Variants in SLC12A8 observed in about 807,000 individuals in gnomAD.
SLC12A8 encodes solute carrier family 12 member 8.
In SLC12A8, 69 loss-of-function variants were observed where a neutral mutation model predicts 75.6. The observed-to-expected ratio is 0.91, with a 90% CI of 0.75 to 1.11. The LOEUF (loss-of-function observed/expected upper bound fraction) is 1.11, where lower values mean the gene tolerates loss of function less well. Ranked by LOEUF, SLC12A8 falls within the 50% of genes most tolerant of loss-of-function variation. The pLI is 0.00. For synonymous variants in SLC12A8, 365 were observed against 372.8 expected (o/e 0.98, Z 0.24); for missense variants, 877 against 896.7 (o/e 0.98, Z 0.28).
At chr3:125,105,406 G>A (rs546852287) in intron 10 of SLC12A8, among the ~76,000 whole-genome samples, 4 of 152,246 alleles carry the variant, frequency 2.6e-5, no homozygotes, top group African/African-American at 9.6e-5. Flanking sequence ...GGAGCCATAG[G>A]ACAGAGGGGA....
rs868545196 is a variant in SLC12A8 at position 125,192,575 on chromosome 3, C to T, written c.52-2054G>A. 27 of 154,514 alleles carry T rather than the reference C, an allele frequency of 1.7e-4. No homozygotes were observed. The Middle Eastern group carries it at 0.011, about 65-fold the overall frequency. 9.6% of individuals were successfully genotyped at this position (154,514 alleles called of 1,614,324 possible). ...CATTCTGAAGGCTGGTTTGCATATG[C>T]GTTTGTTTACCTGCTGGTGTGTGAA... is the stretch of plus-strand genomic sequence containing the variant. On this transcript the variant is annotated intron_variant, in intron 2 of 13. Coordinates refer to ENST00000469902, the MANE Select transcript of SLC12A8 (RefSeq NM_024628.6).
chr3:125,199,247 T>G (rs751203022), intron 2 of SLC12A8, among the ~76,000 whole-genome samples: 27 of 152,294 alleles, frequency 1.8e-4, no homozygotes, highest in African/African-American at 3.1e-4. Flanking sequence ...TACATATATA[T>G]AGAGAAAATG....
chr3:125,161,578 G>A (rs549008877), intron 5 of SLC12A8, among the ~76,000 whole-genome samples: 1 of 152,068 alleles, frequency 6.6e-6, no homozygotes, highest in South Asian at 2.1e-4. Flanking sequence ...GAAAGAACAG[G>A]TCAAGAGACT....
Position 125,120,661 on chromosome 3 carries a change from C to T in SLC12A8, c.762G>A (p.Gly254=). The change falls in exon 7 of 14, where the codon GGG becomes GGA. Residue 254 remains glycine, a synonymous_variant. Transcript: ENST00000469902. ...TGGCGGCAGGCTCCCTGAGGTCGCC[C>T]CCCATGTTGAAGCCGGCCATGACTC... ...ATGVMAGFNM[G]GDLREPAASI... is the part of the protein sequence containing the mutation. 1 of 1,613,704 alleles carries T rather than the reference C, an allele frequency of 6.2e-7. No homozygotes were observed. Among genetic ancestry groups the T allele is most frequent in the Non-Finnish European group, 8.5e-7 (1 of 1,179,926 alleles).
intron 2 of SLC12A8, among the ~76,000 whole-genome samples, chr3:125,199,437 A>T (rs1479864386): frequency 6.6e-6 from 1 of 152,188 alleles, no homozygotes; most frequent in Non-Finnish European, 1.5e-5. Flanking sequence ...TGAACTGTAC[A>T]CATAAAAATA....
intron 5 of SLC12A8, among the ~76,000 whole-genome samples, chr3:125,138,708 T>C (rs1020629714): frequency 1.3e-5 from 2 of 151,916 alleles, no homozygotes; most frequent in Non-Finnish European, 2.9e-5. Flanking sequence ...CTACAAAACA[T>C]CCACATTTAA....
At chr3:125,098,580 AC>A (rs1938778557) in intron 10 of SLC12A8, among the ~76,000 whole-genome samples, 6 of 151,948 alleles carry the variant, frequency 3.9e-5, no homozygotes, top group Non-Finnish European at 7.4e-5. Flanking sequence ...ACACACACAC[AC>A]ACACACACAC....
chr3:125,195,787 G>A (rs1400953597), intron 2 of SLC12A8, among the ~76,000 whole-genome samples: 1 of 152,120 alleles, frequency 6.6e-6, no homozygotes, highest in African/African-American at 2.4e-5. Flanking sequence ...CCAGAGATGA[G>A]CTCTGGAAAT....
At chr3:125,173,862 G>A (rs568263837) in intron 5 of SLC12A8, among the ~76,000 whole-genome samples, 3 of 152,310 alleles carry the variant, frequency 2.0e-5, no homozygotes, top group East Asian at 1.9e-4. Flanking sequence ...AGGCTGAGGC[G>A]GGTGGATCTC....
chr3:125,172,893 C>T (rs1278355456), intron 5 of SLC12A8, among the ~76,000 whole-genome samples: 1 of 152,120 alleles, frequency 6.6e-6, no homozygotes, highest in Non-Finnish European at 1.5e-5. Context: ...TTAAGAGTAA[C>T]ACTGGTCAGG....
rs575441285 is a variant in SLC12A8 at position 125,092,053 on chromosome 3, C to T, written c.1803+48G>A. The T allele has an allele frequency of 1.2e-5, 16 of 1,381,768 alleles. No individual in the cohort carries two copies. In the African/African-American group the frequency reaches 2.3e-4, roughly 20 times the overall value. 85.6% of individuals were successfully genotyped at this position (1,381,768 alleles called of 1,614,324 possible). On this transcript the variant is annotated intron_variant, in intron 11 of 13. Coordinates refer to ENST00000469902, the MANE Select transcript of SLC12A8 (RefSeq NM_024628.6). ...CAGCCCAAGATCACACATGTGTCCA[C>T]CTGAACTCTGTCCCAAGAACAACTG...
intron 5 of SLC12A8, among the ~76,000 whole-genome samples, chr3:125,136,881 GTGT>G (rs1212224404): frequency 3.9e-5 from 6 of 152,322 alleles, no homozygotes; most frequent in African/African-American, 1.2e-4. Context: ...CACAAGTCAA[GTGT>G]TGTTGGTTTC....
Position 125,190,674 on chromosome 3 carries a change from C to T in SLC12A8, c.52-153G>A, listed in dbSNP as rs966200161. ...GCAAGTGTGTGTGTATACACACATGCATGCACATACACACACATGCGCACA... is the reference window on the plus strand; with the variant it reads ...GCAAGTGTGTGTGTATACACACATGTATGCACATACACACACATGCGCACA... On this transcript the variant is annotated intron_variant, in intron 2 of 13. Transcript: ENST00000469902. 5 of 770,544 alleles carry T rather than the reference C, an allele frequency of 6.5e-6. No individual in the cohort carries two copies. The South Asian group carries it at 6.8e-5, about 10-fold the overall frequency. 47.7% of individuals were successfully genotyped at this position (770,544 alleles called of 1,614,324 possible).
intron 13 of SLC12A8, 191 bp downstream of exon 13, chr3:125,088,119 G>A: frequency 5.1e-6 from 3 of 590,192 alleles, no homozygotes; most frequent in South Asian, 4.3e-5. Context: ...AGCTTCTGAT[G>A]AGCCGAATCT....
At chr3:125,165,617 G>T (rs1467583709) in intron 5 of SLC12A8, among the ~76,000 whole-genome samples, 1 of 152,216 alleles carries the variant, frequency 6.6e-6, no homozygotes, top group African/African-American at 2.4e-5. Flanking sequence ...TGTTCCCCAT[G>T]GGGGCATGGA....
At position 125,190,451 on chromosome 3, in the gene SLC12A8, G is replaced by C. The variant is rs762966990; in HGVS notation, c.122C>G (p.Thr41Ser). Residue 41 changes from threonine (T) to serine (S), a missense_variant, in exon 3 of 14, where the codon ACC becomes AGC. Thr to Ser is a moderately conservative substitution (Grantham distance 58). Transcript: ENST00000469902. ...LFMWEPVLFG[T>S]WDGVFTSCMI... ...GCAGGATGTGAACACACCATCCCAGGTCCCAAACAGCACAGGCTCCCACAT... is the reference window on the plus strand; with the variant it reads ...GCAGGATGTGAACACACCATCCCAGCTCCCAAACAGCACAGGCTCCCACAT... 2 of 1,614,200 alleles carry C rather than the reference G, an allele frequency of 1.2e-6. No homozygotes were observed. The highest frequency in any genetic ancestry group is 1.7e-5 in the Admixed American group (1 of 60,020).
chr3:125,177,877 G>A lies in SLC12A8; in HGVS notation c.488C>T (p.Ala163Val), dbSNP rs780279352. ...AATGCCCAGCAAGGCCAGAAGCACC[G>A]CAACTGAAATTCCTCGCACAGCCCA... ...NIWAVRGISV[A>V]VLLALLGINL... Residue 163 changes from alanine (A) to valine (V), a missense_variant, in exon 5 of 14, where the codon GCG becomes GTG. Ala to Val is a moderately conservative substitution (Grantham distance 64, BLOSUM62 0). Transcript: ENST00000469902. The A allele has an allele frequency of 2.6e-5, 42 of 1,614,152 alleles. No homozygotes were observed. The East Asian group carries it at 4.0e-4, about 15-fold the overall frequency.
chr3:125,130,895 C>T (rs928050912), intron 6 of SLC12A8, among the ~76,000 whole-genome samples: 1 of 152,326 alleles, frequency 6.6e-6, no homozygotes, highest in South Asian at 2.1e-4. Context: ...CACCTGAGGA[C>T]GCCCGAGACA....
At chr3:125,185,102 C>T (rs1014513292) in intron 4 of SLC12A8, among the ~76,000 whole-genome samples, 1 of 152,166 alleles carries the variant, frequency 6.6e-6, no homozygotes, top group African/African-American at 2.4e-5. Context: ...GGGCGGATCA[C>T]CTCAGGTCGG....
Sources: allele counts gnomAD v4.1 joint callset (sites outside exome capture counted in the v4.1 genomes callset), GRCh38; gene constraint gnomAD v4.1.1; transcripts MANE v1.5; gene names NCBI Gene and HGNC (gene_info 2026-07-23, HGNC 2026-07-21).